SYDE2: variants seen among roughly 807,000 people sequenced by gnomAD.
The protein encoded by SYDE2 is rho GTPase-activating protein SYDE2.
Under a neutral mutation model 91.5 loss-of-function variants are expected in SYDE2, and 76 were observed. The ratio of observed to expected loss-of-function variants is 0.83; its 90% CI spans 0.69 to 1.01. SYDE2 has a LOEUF of 1.01. Ranked by LOEUF, SYDE2 falls within the 50% of genes least tolerant of loss-of-function variation. The pLI, the probability that SYDE2 is intolerant of heterozygous loss-of-function variation, is 0.00. For synonymous variants in SYDE2, 513 were observed against 506.4 expected (o/e 1.01, Z -0.18); for missense variants, 1,364 against 1,367.7 (o/e 1.00, Z 0.04).
At chr1:85,155,475 T>C (rs757379663), downstream of SYDE2, among the ~76,000 whole-genome samples, 1 of 151,752 alleles carries the variant, frequency 6.6e-6, no homozygotes, top group Non-Finnish European at 1.5e-5. Context: ...CCCGTCTCTA[T>C]TGAAAGATTT....
chr1:85,174,292 T>C (rs1392995629), intron 4 of SYDE2, among the ~76,000 whole-genome samples: 2 of 152,192 alleles, frequency 1.3e-5, no homozygotes, highest in Admixed American at 6.5e-5. Flanking sequence ...TTGACTTTAT[T>C]GATAGTTACA....
chr1:85,167,672 T>C (rs1194994435), intron 5 of SYDE2, among the ~76,000 whole-genome samples: 1 of 152,200 alleles, frequency 6.6e-6, no homozygotes, highest in East Asian at 1.9e-4. Context: ...TTACTCAGTC[T>C]TTTTAGAAAG....
intron 6 of SYDE2, chr1:85,159,883 A>G (rs1656994999): frequency 1.0e-6 from 1 of 983,926 alleles, no homozygotes; most frequent in South Asian, 4.7e-5. Flanking sequence ...AATAGTACAG[A>G]TATTTTATTT....
In SYDE2 at chr1:85,169,250, T is replaced by C. The variant is rs376120534; in HGVS notation, c.2672-25A>G. ...CCTTTAAAAAACAAACCGCAGACAG[T>C]TGGTGATTGGACTGCAGAGTGAAAT... On this transcript the variant is annotated intron_variant, in intron 4 of 6. Transcript: ENST00000341460. 880 of 1,583,346 alleles carry C rather than the reference T, an allele frequency of 5.6e-4. 4 individuals are homozygous for C. The highest frequency in any genetic ancestry group is 4.3e-4 in the Non-Finnish European group (503 of 1,161,286).
chr1:85,185,052 G>C (rs746207059), intron 2 of SYDE2, among the ~76,000 whole-genome samples: 39 of 151,488 alleles, frequency 2.6e-4, no homozygotes, highest in Non-Finnish European at 5.2e-4. Flanking sequence ...CTAAGAAATA[G>C]ATCACTTTAG....
chr1:85,160,648 C>G (rs1657024797), intron 6 of SYDE2: 1 of 985,272 alleles, frequency 1.0e-6, no homozygotes, highest in Admixed American at 6.2e-5. Context: ...ACCACTATCT[C>G]CTTGCTTTTC....
At chr1:85,185,864 C>T (rs966919022) in intron 2 of SYDE2, among the ~76,000 whole-genome samples, 5 of 152,270 alleles carry the variant, frequency 3.3e-5, no homozygotes, top group African/African-American at 1.2e-4. Flanking sequence ...GAGGGCATCC[C>T]TGTCTTGTGC....
chr1:85,196,344 T>C (rs1035287237), intron 1 of SYDE2, among the ~76,000 whole-genome samples: 2 of 152,158 alleles, frequency 1.3e-5, no homozygotes, highest in African/African-American at 4.8e-5. Flanking sequence ...CCCACACCTA[T>C]AGAATCTGCA....
intron 6 of SYDE2, among the ~76,000 whole-genome samples, chr1:85,163,023 T>C (rs1481417536): frequency 6.6e-6 from 1 of 152,190 alleles, no homozygotes; most frequent in African/African-American, 2.4e-5. Flanking sequence ...AACATTCTAA[T>C]TCAGTTAAAA....
chr1:85,180,455 G>A (rs1224533269), intron 3 of SYDE2, among the ~76,000 whole-genome samples: 1 of 152,056 alleles, frequency 6.6e-6, no homozygotes, highest in Non-Finnish European at 1.5e-5. Context: ...ACTTTGGGAG[G>A]CCGAGGCAGG....
intron 3 of SYDE2, among the ~76,000 whole-genome samples, chr1:85,178,742 G>A (rs1657805133): frequency 6.6e-6 from 1 of 151,502 alleles, no homozygotes; most frequent in South Asian, 2.1e-4. Context: ...GTATATAGTT[G>A]AAATAAGGTT....
intron 6 of SYDE2, chr1:85,160,102 C>T (rs1407340941): frequency 3.0e-6 from 3 of 984,432 alleles, no homozygotes; most frequent in Admixed American, 6.2e-5. Flanking sequence ...AATGCTGACA[C>T]ATAGCTATTA....
In SYDE2 at chr1:85,159,207, G is replaced by A; in HGVS notation, c.3128C>T (p.Pro1043Leu). The A allele has an allele frequency of 1.3e-6, 1 of 780,388 alleles. No individual in the cohort carries two copies. The allele number at this position is 780,388 out of a possible 1,614,324, so 48.3% of individuals were successfully genotyped here. A position where few individuals can be genotyped will look rare whatever the true frequency, so the allele number is the denominator to read the frequency against. Residue 1043 changes from proline to leucine, a missense_variant, in exon 7 of 7, where the codon CCA becomes CTA. By Grantham distance (98) the Pro-to-Leu change is moderately conservative (BLOSUM62 -3). Transcript: ENST00000341460. ...TVKKSTDNLF[P>L]EQKSSLNYLR... is the part of the protein sequence containing the mutation. ...ATAATTCAGAGAAGACTTCTGCTCTGGGAATAAATTGTCTGTTGATTTTTT... is the reference window on the plus strand; with the variant it reads ...ATAATTCAGAGAAGACTTCTGCTCTAGGAATAAATTGTCTGTTGATTTTTT...
At chr1:85,199,856 A>G (rs1044875231) in intron 1 of SYDE2, among the ~76,000 whole-genome samples, 6 of 152,168 alleles carry the variant, frequency 3.9e-5, no homozygotes, top group Non-Finnish European at 8.8e-5. Flanking sequence ...CAAATTTACA[A>G]ACTCCACAAA....
chr1:85,159,299 TA>T lies in SYDE2; in HGVS notation c.3086-51del, dbSNP rs753600714. 3.1e-3 allele frequency: 2,026 copies of T among 646,790 alleles called. 22 individuals are homozygous for T. Among genetic ancestry groups the T allele is most frequent in the African/African-American group, 0.024 (1,266 of 53,556 alleles). The allele number at this position is 646,790 out of a possible 1,614,324, so 40.1% of individuals were successfully genotyped here. A position where few individuals can be genotyped will look rare whatever the true frequency, so the allele number is the denominator to read the frequency against. On this transcript the variant is annotated intron_variant, in intron 6 of 6. Coordinates refer to ENST00000341460, the MANE Select transcript of SYDE2 (RefSeq NM_032184.2). ...TTAGTGACAGTAATCCAACTGAACT[TA>T]AAAAAAAAACAGAGCTAAAGATAAG...
At position 85,200,783 on chromosome 1, in the gene SYDE2, C is replaced by T; in HGVS notation, c.214G>A (p.Gly72Ser). 1 of 1,513,922 alleles carries T rather than the reference C, an allele frequency of 6.6e-7. No homozygotes were observed. The highest frequency in any genetic ancestry group is 1.2e-5 in the South Asian group (1 of 82,278). The allele number at this position is 1,513,922 out of a possible 1,614,324, so 93.8% of individuals were successfully genotyped here. A position where few individuals can be genotyped will look rare whatever the true frequency, so the allele number is the denominator to read the frequency against. ...CGCATCCGAGGAGTCCGCAGCTGGCCTCCCCGCGGCTCCCTCTGAGGCGAC... is the reference window on the plus strand; with the variant it reads ...CGCATCCGAGGAGTCCGCAGCTGGCTTCCCCGCGGCTCCCTCTGAGGCGAC... The part of the protein sequence containing the change: ...PRSPQREPRG[G>S]QLRTPRMRPS... Residue 72 changes from glycine to serine, a missense_variant, in exon 1 of 7, where the codon GGC becomes AGC. By Grantham distance (56) the Gly-to-Ser change is moderately conservative. Transcript: ENST00000341460.
chr1:85,183,906 GTAAA>G (rs1658029607), intron 2 of SYDE2, among the ~76,000 whole-genome samples: 1 of 152,034 alleles, frequency 6.6e-6, no homozygotes, highest in Non-Finnish European at 1.5e-5. Context: ...CATACTGTAA[GTAAA>G]TAATTTCTAC....
chr1:85,186,567 AG>A (rs1658148771), intron 2 of SYDE2, among the ~76,000 whole-genome samples: 1 of 152,142 alleles, frequency 6.6e-6, no homozygotes, highest in East Asian at 1.9e-4. Context: ...GTTAATCCTA[AG>A]CCAAAAGAAC....
chr1:85,186,959 G>A (rs910920101), intron 2 of SYDE2, among the ~76,000 whole-genome samples: 1 of 152,154 alleles, frequency 6.6e-6, no homozygotes, highest in Non-Finnish European at 1.5e-5. Context: ...GCATGGGCAA[G>A]GACTTCATGT....
Sources: gnomAD v4.1 joint callset for allele counts (sites outside exome capture counted in the v4.1 genomes callset) on GRCh38, gnomAD v4.1.1 for gene constraint, MANE v1.5 for transcripts, NCBI Gene and HGNC (gene_info 2026-07-23, HGNC 2026-07-21) for gene names.